The following OGG1 variants were observed in gnomAD, a reference collection of about 807,000 sequenced individuals.
OGG1 encodes the protein 8-oxoguanine DNA glycosylase.
Under a neutral mutation model 42.3 loss-of-function variants are expected in OGG1, and 35 were observed. The observed-to-expected ratio is 0.83, with a 90% CI of 0.63 to 1.10. The LOEUF (loss-of-function observed/expected upper bound fraction) is 1.10. OGG1 is among the 50% of genes least tolerant of loss of function. The pLI, the probability that OGG1 is intolerant of heterozygous loss-of-function variation, is 0.00. For synonymous variants in OGG1, 189 were observed against 179.0 expected, an observed-to-expected ratio of 1.06 and a Z score of -0.44; for missense variants, 484 against 446.7, an observed-to-expected ratio of 1.08 and a Z score of -0.75.
intron 3 of OGG1, chr3:9,784,038 C>G (rs771190912): frequency 6.2e-7 from 1 of 1,613,866 alleles, no homozygotes; most frequent in South Asian, 1.1e-5. Flanking sequence ...CTCAGCAGGT[C>G]GTGCTTCTTG....
Position 9,751,126 on chromosome 3 carries a change from G to A in OGG1, c.319G>A (p.Ala107Thr), listed in dbSNP as rs757845213. ...RKYFQLDVTL[A>T]QLYHHWGSVD... is the part of the protein sequence containing the mutation. ...GTACTTCCAGCTAGATGTTACCCTG[G>A]CTCAACTGTATCACCACTGGGGTTC... The change falls in exon 2 of 7, where the codon GCT (alanine) becomes ACT (threonine). Residue 107 changes from alanine (A) to threonine (T), a missense_variant. Ala to Thr is a moderately conservative substitution (Grantham distance 58). Coordinates refer to ENST00000344629, the MANE Select transcript of OGG1 (RefSeq NM_002542.6). 2 of 1,614,066 alleles carry A rather than the reference G, an allele frequency of 1.2e-6. No individual in the cohort carries two copies. The highest frequency in any genetic ancestry group is 2.7e-5 in the African/African-American group (2 of 74,920).
At chr3:9,753,458 C>T (rs2077399383) in intron 3 of OGG1, among the ~76,000 whole-genome samples, 1 of 151,980 alleles carries the variant, frequency 6.6e-6, no homozygotes, top group African/African-American at 2.4e-5. Context: ...CAAGACCATC[C>T]TGCCTAATAC....
chr3:9,769,507 C>T (rs1471078530), downstream of OGG1, among the ~76,000 whole-genome samples: 1 of 152,166 alleles, frequency 6.6e-6, no homozygotes, highest in Non-Finnish European at 1.5e-5. Context: ...ATGTCTGACC[C>T]ACACGCCTGT....
downstream of OGG1, chr3:9,760,624 G>A (rs986857770): frequency 6.2e-6 from 10 of 1,611,722 alleles, no homozygotes; most frequent in Non-Finnish European, 8.5e-6. Context: ...CCAGAGGCAG[G>A]GCCCAGGGGA....
chr3:9,752,659 G>A lies in OGG1; in HGVS notation c.565+710G>A, dbSNP rs189076609. 1.2e-4 allele frequency among the ~76,000 whole-genome samples: 18 copies of A among 152,166 alleles called. No homozygotes were observed. In the East Asian group the frequency reaches 3.1e-3, roughly 26 times the overall value. ...AATGTTTTACAGAGGCAAGTGTATCGATTGGCAGATGTGAGAACCAAGCTA... is the reference window on the plus strand; with the variant it reads ...AATGTTTTACAGAGGCAAGTGTATCAATTGGCAGATGTGAGAACCAAGCTA... On this transcript the variant is annotated intron_variant, in intron 3 of 6. Coordinates refer to ENST00000344629, the MANE Select transcript of OGG1 (RefSeq NM_002542.6).
At chr3:9,751,367 A>G (rs1261301863) in intron 2 of OGG1, among the ~76,000 whole-genome samples, 175 bp downstream of exon 2, 1 of 152,232 alleles carries the variant, frequency 6.6e-6, no homozygotes, top group Non-Finnish European at 1.5e-5. Context: ...AGTAAGTATT[A>G]TTACCATTAT....
downstream of OGG1, chr3:9,761,752 C>T: frequency 6.2e-7 from 1 of 1,614,028 alleles, no homozygotes; most frequent in East Asian, 2.2e-5. Flanking sequence ...ACAGCAGATT[C>T]TCTGGCTTGA....
intron 3 of OGG1, among the ~76,000 whole-genome samples, chr3:9,753,775 A>G (rs1360177279): frequency 1.3e-5 from 2 of 152,264 alleles, no homozygotes; most frequent in Admixed American, 1.3e-4. Flanking sequence ...TGGGAATAAC[A>G]GTTTCTATCT....
chr3:9,775,022 G>A (rs560401171), intron 2 of OGG1, among the ~76,000 whole-genome samples: 2 of 151,426 alleles, frequency 1.3e-5, no homozygotes, highest in African/African-American at 2.4e-5. Flanking sequence ...GGCCGAGGCA[G>A]GAGGATCACT....
chr3:9,766,206 G>T, exon 8 of OGG1: 2 of 746,142 alleles, frequency 2.7e-6, no homozygotes, highest in Non-Finnish European at 2.4e-6. Flanking sequence ...CCACCACCTG[G>T]GGAGAGCCTG....
chr3:9,770,330 C>A (rs893863121), downstream of OGG1, among the ~76,000 whole-genome samples: 2 of 152,260 alleles, frequency 1.3e-5, no homozygotes, highest in African/African-American at 4.8e-5. Flanking sequence ...GCTCTGTCTC[C>A]CTTCTCCGTG....
downstream of OGG1, chr3:9,757,716 G>A (rs771826644): frequency 1.2e-6 from 2 of 1,614,070 alleles, no homozygotes; most frequent in Admixed American, 1.7e-5. This position sits in a 1 kb window ranked among gnomAD's most constrained non-coding sequence, Gnocchi z 4.5. Flanking sequence ...CTTCTGCAGA[G>A]CCCGCTCCTC....
At chr3:9,786,863 A>G in intron 3 of OGG1, 2 of 680,498 alleles carry the variant, frequency 2.9e-6, no homozygotes, top group East Asian at 2.6e-5. Flanking sequence ...ATCTTTTGCT[A>G]TATATTAGTC....
chr3:9,774,976 G>C (rs1161055279), intron 2 of OGG1, among the ~76,000 whole-genome samples: 3 of 91,870 alleles, frequency 3.3e-5, no homozygotes, highest in African/African-American at 1.2e-4. Context: ...TTTTTTTTTT[G>C]GCTGGGCTCA....
chr3:9,760,963 CCCT>C (rs2077836186), downstream of OGG1: 1 of 781,484 alleles, frequency 1.3e-6, no homozygotes, highest in African/African-American at 1.8e-5. Flanking sequence ...CGCCATCTTG[CCCT>C]CCTCAGGGCC....
intron 3 of OGG1, chr3:9,783,782 A>C (rs1236728810): frequency 4.6e-6 from 3 of 653,092 alleles, no homozygotes; most frequent in Non-Finnish European, 4.6e-6. Context: ...CCTCTCAAAA[A>C]AAAACAAAAC....
At chr3:9,763,191 C>A (rs1196390343) in intron 7 of OGG1, 1 of 1,613,988 alleles carries the variant, frequency 6.2e-7, no homozygotes, top group Non-Finnish European at 8.5e-7. Context: ...TCATCCAGGG[C>A]TACAATGTTG....
At chr3:9,781,326 G>C (rs1455211564) in intron 2 of OGG1, among the ~76,000 whole-genome samples, 2 of 151,360 alleles carry the variant, frequency 1.3e-5, no homozygotes, top group African/African-American at 4.9e-5. Context: ...CACACACACA[G>C]GCACACCCAC....
intron 2 of OGG1, among the ~76,000 whole-genome samples, chr3:9,777,314 C>A (rs1170110328): frequency 6.6e-6 from 1 of 152,160 alleles, no homozygotes; most frequent in Non-Finnish European, 1.5e-5. Flanking sequence ...TGGAACTAAT[C>A]CGCCCTCCTC....
Sources: allele counts gnomAD v4.1 joint callset (sites outside exome capture counted in the v4.1 genomes callset), GRCh38; gene constraint gnomAD v4.1.1; non-coding constraint Gnocchi (gnomAD v3.1); transcripts MANE v1.5; gene names NCBI Gene and HGNC (gene_info 2026-07-23, HGNC 2026-07-21).